CARMIL1: variants seen among roughly 807,000 people sequenced by gnomAD.
CARMIL1 encodes the protein capping protein regulator and myosin 1 linker 1.
In CARMIL1, 90 loss-of-function variants were observed where a neutral mutation model predicts 177.1. The observed-to-expected ratio is 0.51, with a 90% CI of 0.43 to 0.61. CARMIL1 has a LOEUF of 0.61. Ranked by LOEUF, CARMIL1 falls within the 20% of genes least tolerant of loss-of-function variation. CARMIL1 has a pLI of 0.00. For synonymous variants in CARMIL1, 577 were observed against 606.2 expected, an observed-to-expected ratio of 0.95 and a Z score of 0.71; for missense variants, 1,380 against 1,667.0, an observed-to-expected ratio of 0.83 and a Z score of 3.00.
chr6:25,330,688 T>TTAA lies in CARMIL1; in HGVS notation c.138+45779_138+45780insTAA, dbSNP rs777737334. ...GACGCACCCCCCCGCCCATCTCTAT[T>TTAA]AAAAAAAAAAAAAAAAGACAGATGA... On this transcript the variant is annotated intron_variant, in intron 2 of 36. Transcript: ENST00000329474. Among the ~76,000 whole-genome samples the TTAA allele has an allele frequency of 9.3e-4, 133 of 142,610 alleles. 1 individual carries two copies. The highest frequency in any genetic ancestry group is 4.3e-3 in the South Asian group (19 of 4,426). 93.6% of individuals were successfully genotyped at this position (142,610 alleles called of 152,430 possible). A position where few individuals can be genotyped will look rare whatever the true frequency, so the allele number is the denominator to read the frequency against.
At chr6:25,402,291 C>G (rs1230663097) in intron 2 of CARMIL1, among the ~76,000 whole-genome samples, 2 of 152,074 alleles carry the variant, frequency 1.3e-5, no homozygotes, top group Middle Eastern at 3.2e-3. Context: ...AGAATGTTAG[C>G]GTTGAATACG....
chr6:25,313,698 T>TATATATATATATATATATATATATA (rs1262920852), intron 2 of CARMIL1, among the ~76,000 whole-genome samples: 2 of 150,178 alleles, frequency 1.3e-5, no homozygotes, highest in African/African-American at 5.0e-5. Context: ...TATACAGTTA[T>TATATATATATATATATATATATATA]TTGGGAGAAA....
chr6:25,450,571 A>G (rs1386403544), intron 7 of CARMIL1, 67 bp from the exon 8 acceptor site: 1 of 1,089,838 alleles, frequency 9.2e-7, no homozygotes, highest in Non-Finnish European at 1.4e-6. Flanking sequence ...TCTAATTCTC[A>G]CTGTCTCTCT....
chr6:25,488,694 G>T, intron 13 of CARMIL1, 109 bp downstream of exon 13: 1 of 867,848 alleles, frequency 1.2e-6, no homozygotes, highest in Non-Finnish European at 1.9e-6. Flanking sequence ...TCTTTGTCAT[G>T]ACACCTTTGA....
intron 2 of CARMIL1, among the ~76,000 whole-genome samples, chr6:25,366,749 G>A (rs1789856703): frequency 6.6e-6 from 1 of 151,984 alleles, no homozygotes; most frequent in African/African-American, 2.4e-5. Flanking sequence ...GAATAATCAT[G>A]TCTGTACAGG....
Position 25,441,333 on chromosome 6 carries a change from A to ATGTGTGTGTGTG in CARMIL1, c.371+5730_371+5731insGTGTGTGTGTGT, listed in dbSNP as rs1211206689. The stretch of plus-strand genomic sequence containing the variant: ...CAAACAAACAAACATATATATATAT[A>ATGTGTGTGTGTG]TATATGTGTGTGTGTGTGTGTGTGT... On this transcript the variant is annotated intron_variant, in intron 5 of 36. Coordinates refer to ENST00000329474, the MANE Select transcript of CARMIL1 (RefSeq NM_017640.6). Among the ~76,000 whole-genome samples the ATGTGTGTGTGTG allele has an allele frequency of 2.2e-3, 146 of 66,950 alleles. 2 individuals are homozygous for ATGTGTGTGTGTG. The highest frequency in any genetic ancestry group is 3.8e-3 in the South Asian group (8 of 2,106). 43.9% of individuals were successfully genotyped at this position (66,950 alleles called of 152,430 possible). A position where few individuals can be genotyped will look rare whatever the true frequency, so the allele number is the denominator to read the frequency against.
At chr6:25,410,419 T>C (rs1233683876) in intron 2 of CARMIL1, among the ~76,000 whole-genome samples, 1 of 152,226 alleles carries the variant, frequency 6.6e-6, no homozygotes, top group Non-Finnish European at 1.5e-5. Flanking sequence ...GTGTTTTGCA[T>C]GTATTATCTC....
intron 2 of CARMIL1, among the ~76,000 whole-genome samples, chr6:25,341,995 A>G (rs758035933): frequency 2.0e-5 from 3 of 152,204 alleles, no homozygotes; most frequent in Non-Finnish European, 2.9e-5. Context: ...AGAAGTTGAT[A>G]TCTTTAAATA....
intron 28 of CARMIL1, 41 bp from the exon 29 acceptor site, chr6:25,556,656 TTCTC>T (rs1810625818): frequency 6.4e-7 from 1 of 1,570,044 alleles, no homozygotes; most frequent in East Asian, 2.3e-5. Context: ...AACCAGCACT[TTCTC>T]TGTACTTTAA....
chr6:25,390,307 TATATATATA>T (rs1244350194), intron 2 of CARMIL1, among the ~76,000 whole-genome samples: 24 of 47,116 alleles, frequency 5.1e-4, no homozygotes, highest in African/African-American at 9.2e-4. Context: ...TATATATATA[TATATATATA>T]TATATTTTTT....
intron 27 of CARMIL1, 87 bp downstream of exon 27, chr6:25,551,172 A>G (rs1196737302): frequency 9.9e-7 from 1 of 1,010,876 alleles, no homozygotes; most frequent in Non-Finnish European, 1.5e-6. Context: ...TGTTGGCTGT[A>G]TCCATATATA....
At chr6:25,451,988 C>CCCCA in intron 8 of CARMIL1, 4 of 68,728 alleles carry the variant, frequency 5.8e-5, no homozygotes, top group South Asian at 1.5e-4. Flanking sequence ...AGCATCTTGC[C>CCCCA]CCCCCCTCCC....
chr6:25,303,664 G>T (rs1010909669), intron 2 of CARMIL1, among the ~76,000 whole-genome samples: 2 of 152,162 alleles, frequency 1.3e-5, no homozygotes, highest in East Asian at 3.8e-4. Flanking sequence ...TTACACAAAG[G>T]GACTCTGTTT....
chr6:25,493,091 G>A (rs1235681356), intron 15 of CARMIL1, among the ~76,000 whole-genome samples: 2 of 152,192 alleles, frequency 1.3e-5, no homozygotes, highest in Non-Finnish European at 2.9e-5. Context: ...TGGTGGAGGA[G>A]TAATTGACTG....
chr6:25,376,078 AATT>A (rs1243093705), intron 2 of CARMIL1, among the ~76,000 whole-genome samples: 1 of 152,136 alleles, frequency 6.6e-6, no homozygotes, highest in African/African-American at 2.4e-5. Flanking sequence ...ATATTGCCAG[AATT>A]ATTATTATTA....
rs1794166027 is a variant in CARMIL1 at position 25,404,368 on chromosome 6, CTGCTTTGGGT to C, written c.139-15745_139-15736del. Among the ~76,000 whole-genome samples, 4 of 152,346 alleles carry C rather than the reference CTGCTTTGGGT, an allele frequency of 2.6e-5. No homozygotes were observed. The South Asian group carries it at 6.2e-4, about 24-fold the overall frequency. ...GGATCTTATGGGTTTTGCAGCAGGG[CTGCTTTGGGT>C]ATATGTTTGTTTGAACGGGGTAGGG... is the stretch of plus-strand genomic sequence containing the variant. On this transcript the variant is annotated intron_variant, in intron 2 of 36. Coordinates refer to ENST00000329474, the MANE Select transcript of CARMIL1 (RefSeq NM_017640.6).
chr6:25,423,247 A>G (rs1424054846), intron 3 of CARMIL1, among the ~76,000 whole-genome samples: 1 of 152,242 alleles, frequency 6.6e-6, no homozygotes, highest in African/African-American at 2.4e-5. Context: ...TATACAACAT[A>G]TATAGTCAAA....
intron 2 of CARMIL1, among the ~76,000 whole-genome samples, chr6:25,333,374 G>C (rs1785894308): frequency 6.6e-6 from 1 of 152,026 alleles, no homozygotes; most frequent in South Asian, 2.1e-4. Flanking sequence ...ACCAGCCTGG[G>C]CAACATCACA....
chr6:25,425,520 A>G (rs149833007), intron 3 of CARMIL1, among the ~76,000 whole-genome samples: 6 of 152,136 alleles, frequency 3.9e-5, no homozygotes, highest in African/African-American at 1.4e-4. Context: ...TTATCATTAT[A>G]TTTCTCGGTT....
Sources: allele counts gnomAD v4.1 joint callset (sites outside exome capture counted in the v4.1 genomes callset), GRCh38; gene constraint gnomAD v4.1.1; transcripts MANE v1.5; gene names NCBI Gene and HGNC (gene_info 2026-07-23, HGNC 2026-07-21).